FAM168B: variants seen among roughly 807,000 people sequenced by gnomAD.
The protein encoded by FAM168B is family with sequence similarity 168 member B.
In FAM168B, 19 loss-of-function variants were observed where a neutral mutation model predicts 21.8. The observed-to-expected ratio is 0.87, with a 90% CI of 0.61 to 1.28. The LOEUF is 1.28. Among genes scored for constraint, FAM168B ranks in the 50% most tolerant of loss-of-function variants. The probability of loss-of-function intolerance (pLI) is 0.00; values close to 1 mark genes in which losing one functional copy is unlikely to be tolerated. For synonymous variants in FAM168B, 126 were observed against 104.8 expected (o/e 1.20, Z -1.24); for missense variants, 233 against 263.1 (o/e 0.89, Z 0.79).
chr2:131,051,209 C>CT lies in FAM168B; in HGVS notation c.*1255dup, dbSNP rs1232627688. The CT allele has an allele frequency of 2.2e-5, 22 of 984,880 alleles. No homozygotes were observed. The highest frequency in any genetic ancestry group is 2.3e-5 in the Non-Finnish European group (19 of 829,854). The allele number at this position is 984,880 out of a possible 1,614,324, so 61.0% of individuals were successfully genotyped here. A position where few individuals can be genotyped will look rare whatever the true frequency, so the allele number is the denominator to read the frequency against. ...CACTGGCCTCCCCCTCGCCCCATCT[C>CT]TAAGCGTCCCCTCCAGCCGGCCTCA... On this transcript the variant is annotated 3_prime_UTR_variant, in exon 7 of 7. Transcript: ENST00000389915.
chr2:131,052,811 T>G, intron 6 of FAM168B, 80 bp downstream of exon 6: 1 of 1,513,952 alleles, frequency 6.6e-7, no homozygotes, highest in Non-Finnish European at 8.9e-7. Context: ...CGTTAGTGCT[T>G]AAATATGTGG....
intron 3 of FAM168B, among the ~76,000 whole-genome samples, chr2:131,067,039 T>C (rs796473855): frequency 1.9e-4 from 29 of 152,232 alleles, no homozygotes; most frequent in African/African-American, 6.5e-4. Flanking sequence ...GTGAGACTTA[T>C]TCACTATCAT....
chr2:131,079,820 T>A (rs1249668253), intron 2 of FAM168B, among the ~76,000 whole-genome samples: 1 of 148,450 alleles, frequency 6.7e-6, no homozygotes, highest in African/African-American at 2.5e-5. Context: ...ACTTGTGGTT[T>A]AAAAAAAAAA....
intron 2 of FAM168B, among the ~76,000 whole-genome samples, chr2:131,075,423 TG>T (rs1693094275): frequency 6.6e-6 from 1 of 152,202 alleles, no homozygotes; most frequent in Non-Finnish European, 1.5e-5. Flanking sequence ...TGGATTTGTT[TG>T]CTGAAGATTG....
At chr2:131,058,437 A>G (rs1292997674) in intron 3 of FAM168B, among the ~76,000 whole-genome samples, 1 of 152,174 alleles carries the variant, frequency 6.6e-6, no homozygotes, top group East Asian at 1.9e-4. Flanking sequence ...TGTCCTATGC[A>G]GCAAAGCGGG....
chr2:131,055,518 C>T, intron 4 of FAM168B, 35 bp downstream of exon 4: 2 of 1,598,774 alleles, frequency 1.3e-6, no homozygotes, highest in Non-Finnish European at 1.7e-6. Context: ...GGTGGTATCA[C>T]CCCTTCCCAC....
In FAM168B at chr2:131,055,581, G is replaced by A. The variant is rs781185018; in HGVS notation, c.269C>T (p.Ala90Val). The A allele has an allele frequency of 8.1e-6, 13 of 1,605,928 alleles. 1 individual carries two copies. Among genetic ancestry groups the A allele is most frequent in the South Asian group, 5.5e-5 (5 of 90,142 alleles). The stretch of plus-strand genomic sequence containing the variant: ...TGCATACGGGCTCTGCTGGGGGTAG[G>A]CACTTCGCACAGGGTACACGGCAGT... Reference protein sequence around the residue: ...YQTAVYPVRSAYPQQSPYAQQ... With the variant: ...YQTAVYPVRSVYPQQSPYAQQ... Residue 90 changes from alanine to valine, a missense_variant, in exon 4 of 7, where the codon GCC becomes GTC. Ala to Val is a moderately conservative substitution (Grantham distance 64). Transcript: ENST00000389915.
At chr2:131,074,818 CCT>C (rs1693054750) in intron 2 of FAM168B, among the ~76,000 whole-genome samples, 1 of 152,140 alleles carries the variant, frequency 6.6e-6, no homozygotes, top group Admixed American at 6.6e-5. Flanking sequence ...CCTTCGGCCC[CCT>C]CAGCCTGGAT....
At chr2:131,059,687 G>A (rs936664345) in intron 3 of FAM168B, among the ~76,000 whole-genome samples, 11 of 152,238 alleles carry the variant, frequency 7.2e-5, no homozygotes, top group Middle Eastern at 3.4e-3. Flanking sequence ...ACTTCCAACA[G>A]TTTAAACAAA....
At chr2:131,082,494 G>C in intron 2 of FAM168B, 83 bp downstream of exon 2, 3 of 939,968 alleles carry the variant, frequency 3.2e-6, no homozygotes, top group South Asian at 3.1e-5. Flanking sequence ...AGCTGCGTTT[G>C]TCAATAGAAA....
Position 131,052,300 on chromosome 2 carries a change from G to A in FAM168B, c.*165C>T. On this transcript the variant is annotated 3_prime_UTR_variant, in exon 7 of 7. Coordinates refer to ENST00000389915, the MANE Select transcript of FAM168B (RefSeq NM_001009993.4). ...AGACCAACCCACAGAGTCAGCTGGA[G>A]ACTAACGGCGCTGGGGCCTGCTGGG... The A allele has an allele frequency of 1.0e-6, 1 of 985,862 alleles. No individual in the cohort carries two copies. The highest frequency in any genetic ancestry group is 5.2e-4 in the Middle Eastern group (1 of 1,936). The allele number at this position is 985,862 out of a possible 1,614,324, so 61.1% of individuals were successfully genotyped here. A position where few individuals can be genotyped will look rare whatever the true frequency, so the allele number is the denominator to read the frequency against.
intron 3 of FAM168B, among the ~76,000 whole-genome samples, chr2:131,070,335 C>T (rs1692811397): frequency 6.6e-6 from 1 of 152,090 alleles, no homozygotes; most frequent in Admixed American, 6.6e-5. Context: ...GGCAAATACG[C>T]ACATGAAAAG....
In FAM168B at chr2:131,052,173, T is replaced by C; in HGVS notation, c.*292A>G. 1.0e-6 allele frequency: 1 copy of C among 985,836 alleles called. No individual in the cohort carries two copies. Among genetic ancestry groups the C allele is most frequent in the Non-Finnish European group, 1.2e-6 (1 of 829,934 alleles). The allele number at this position is 985,836 out of a possible 1,614,324, so 61.1% of individuals were successfully genotyped here. On this transcript the variant is annotated 3_prime_UTR_variant, in exon 7 of 7. Coordinates refer to ENST00000389915, the MANE Select transcript of FAM168B (RefSeq NM_001009993.4). The stretch of plus-strand genomic sequence containing the variant: ...CTTTTTGTGTTTGTTTTTTTAAACA[T>C]GCATTCAACTAGATATGATTCAGAA...
At chr2:131,061,476 C>A (rs1193873631) in intron 3 of FAM168B, among the ~76,000 whole-genome samples, 1 of 151,750 alleles carries the variant, frequency 6.6e-6, no homozygotes, top group Non-Finnish European at 1.5e-5. Context: ...CACACCCAAA[C>A]GCACCCCTAG....
chr2:131,070,352 C>T (rs1345980702), intron 3 of FAM168B, among the ~76,000 whole-genome samples: 6 of 152,174 alleles, frequency 3.9e-5, no homozygotes, highest in Admixed American at 3.9e-4. Context: ...AAAGATACTG[C>T]TACACATTCA....
intron 1 of FAM168B, among the ~76,000 whole-genome samples, chr2:131,091,103 G>A (rs942390705): frequency 3.3e-5 from 5 of 152,154 alleles, no homozygotes; most frequent in African/African-American, 7.2e-5. Context: ...GGAGGCCAAC[G>A]CGGGTGGATC....
chr2:131,070,696 T>C (rs1692829414), intron 3 of FAM168B, among the ~76,000 whole-genome samples: 1 of 152,230 alleles, frequency 6.6e-6, no homozygotes, highest in Admixed American at 6.5e-5. Context: ...GAAGTATTTA[T>C]TTCCATACAA....
intron 3 of FAM168B, among the ~76,000 whole-genome samples, chr2:131,056,924 C>G (rs1043481214): frequency 2.0e-5 from 3 of 152,308 alleles, no homozygotes; most frequent in Non-Finnish European, 4.4e-5. Context: ...GAGGGGCATG[C>G]GAGAACCTTT....
chr2:131,087,659 A>G (rs1693783382), intron 1 of FAM168B, among the ~76,000 whole-genome samples: 1 of 152,158 alleles, frequency 6.6e-6, no homozygotes, highest in Admixed American at 6.6e-5. Flanking sequence ...CTTAGGTACA[A>G]CCACCAAGTG....
Sources: allele counts gnomAD v4.1 joint callset (sites outside exome capture counted in the v4.1 genomes callset), GRCh38; gene constraint gnomAD v4.1.1; transcripts MANE v1.5; gene names NCBI Gene and HGNC (gene_info 2026-07-23, HGNC 2026-07-21).